Variants in LARGE1 observed in about 807,000 individuals in gnomAD.
LARGE1 encodes LARGE xylosyl- and glucuronyltransferase 1.
In LARGE1, 43 loss-of-function variants were observed where a neutral mutation model predicts 87.6. The ratio of observed to expected loss-of-function variants is 0.49; its 90% CI spans 0.38 to 0.63. The LOEUF is 0.63. Ranked by LOEUF, LARGE1 falls within the 30% of genes least tolerant of loss-of-function variation. The pLI is 0.00. For missense variants in LARGE1, 802 were observed against 1,000.2 expected (o/e 0.80, Z 2.67); for synonymous variants, 434 against 394.6 (o/e 1.10, Z -1.18).
the LARGE1 span, among the ~76,000 whole-genome samples, chr22:33,121,947 A>C: frequency 6.6e-6 from 1 of 152,152 alleles, no homozygotes; most frequent in East Asian, 1.9e-4. Flanking sequence ...CAGCATGGGA[A>C]AGACCCACCC....
rs541789029 is a variant in LARGE1 at position 33,742,423 on chromosome 22, T to TGCACCGAGCACC, written c.106+18947_106+18948insGGTGCTCGGTGC. 2.3e-3 allele frequency among the ~76,000 whole-genome samples: 346 copies of TGCACCGAGCACC among 152,348 alleles called. 1 individual carries two copies. The highest frequency in any genetic ancestry group is 4.0e-3 in the Non-Finnish European group (274 of 68,038). ...GCGATCACTCACTCATCAACCTTCG[T>TGCACCGAGCACC]GCACCGAGCACAATGTGTGCAAGGA... On this transcript the variant is annotated intron_variant, in intron 2 of 14. Coordinates refer to ENST00000397394, the MANE Select transcript of LARGE1 (RefSeq NM_133642.5).
At chr22:33,099,989 C>A in the LARGE1 span, among the ~76,000 whole-genome samples, 1 of 152,154 alleles carries the variant, frequency 6.6e-6, no homozygotes, top group African/African-American at 2.4e-5. Context: ...AACAATAAAT[C>A]TAGACTCTGT....
the LARGE1 span, among the ~76,000 whole-genome samples, chr22:33,103,698 G>C: frequency 1.3e-5 from 2 of 152,136 alleles, no homozygotes; most frequent in East Asian, 3.8e-4. Flanking sequence ...ACCTCAAGGA[G>C]CTGACTTTGG....
chr22:33,898,300 G>A (rs950537540), intron 1 of LARGE1, among the ~76,000 whole-genome samples: 3 of 152,118 alleles, frequency 2.0e-5, no homozygotes, highest in East Asian at 1.9e-4. Flanking sequence ...CAAGTGCCCC[G>A]CCCCCCATCC....
At chr22:33,567,938 A>G (rs1386150088) in intron 5 of LARGE1, among the ~76,000 whole-genome samples, 1 of 152,206 alleles carries the variant, frequency 6.6e-6, no homozygotes, top group African/African-American at 2.4e-5. Flanking sequence ...CACTTACTTC[A>G]TCCTATCAGG....
At chr22:33,922,118 G>T (rs1411453487), upstream of LARGE1, among the ~76,000 whole-genome samples, 1 of 152,070 alleles carries the variant, frequency 6.6e-6, no homozygotes, top group Admixed American at 6.5e-5. Context: ...TTCCCTCTGC[G>T]CGCCTCTCCG....
intron 6 of LARGE1, among the ~76,000 whole-genome samples, chr22:33,469,795 T>C (rs992288355): frequency 1.4e-5 from 2 of 145,676 alleles, no homozygotes; most frequent in African/African-American, 5.1e-5. Flanking sequence ...ACCACTGCAC[T>C]CCAGCCTGGG....
intron 3 of LARGE1, among the ~76,000 whole-genome samples, chr22:33,631,981 T>C (rs559900997): frequency 6.6e-6 from 1 of 152,186 alleles, no homozygotes; most frequent in Non-Finnish European, 1.5e-5. Context: ...GATATGTCAT[T>C]ATGTAACACA....
chr22:33,155,183 C>T, the LARGE1 span, among the ~76,000 whole-genome samples: 1 of 152,056 alleles, frequency 6.6e-6, no homozygotes, highest in Non-Finnish European at 1.5e-5. Context: ...TGGGGTGCTG[C>T]TGAAAAGATA....
chr22:33,441,265 G>C (rs960393885), intron 6 of LARGE1, among the ~76,000 whole-genome samples: 47 of 151,830 alleles, frequency 3.1e-4, no homozygotes, highest in Admixed American at 6.6e-5. Flanking sequence ...GTAGAGACGA[G>C]ATTTCATCAT....
At chr22:33,596,779 G>C (rs1458224605) in intron 5 of LARGE1, among the ~76,000 whole-genome samples, 1 of 152,192 alleles carries the variant, frequency 6.6e-6, no homozygotes, top group East Asian at 1.9e-4. Flanking sequence ...AAAGAAGAAA[G>C]CAAGATTTGT....
chr22:33,728,910 A>G (rs2083366203), intron 2 of LARGE1, among the ~76,000 whole-genome samples: 1 of 152,202 alleles, frequency 6.6e-6, no homozygotes. Flanking sequence ...AAGAAATAAT[A>G]TCCAGCTTTC....
intron 2 of LARGE1, among the ~76,000 whole-genome samples, chr22:33,704,075 A>C (rs927565331): frequency 2.0e-5 from 3 of 152,228 alleles, no homozygotes; most frequent in Non-Finnish European, 4.4e-5. Flanking sequence ...CTGAATTGTC[A>C]TATTTCTAGA....
the LARGE1 span, among the ~76,000 whole-genome samples, chr22:33,108,883 G>A: frequency 6.6e-6 from 1 of 152,070 alleles, no homozygotes; most frequent in East Asian, 1.9e-4. Context: ...ATGCTCTGAA[G>A]CTAGATTATT....
chr22:33,857,237 A>T (rs80004251), intron 1 of LARGE1, among the ~76,000 whole-genome samples: 1,791 of 152,310 alleles, frequency 0.012, 33 homozygotes, highest in African/African-American at 0.041. Flanking sequence ...ATCTTTAAGT[A>T]AAGGTTCATG....
At chr22:33,644,104 A>G (rs1363946346) in intron 3 of LARGE1, among the ~76,000 whole-genome samples, 2 of 152,184 alleles carry the variant, frequency 1.3e-5, no homozygotes, top group Admixed American at 6.5e-5. Flanking sequence ...CAGAGACACA[A>G]CAAAAAAAGA....
chr22:33,354,734 T>C (rs771045241), intron 9 of LARGE1, among the ~76,000 whole-genome samples: 4 of 152,228 alleles, frequency 2.6e-5, no homozygotes, highest in Non-Finnish European at 5.9e-5. Context: ...AGCCAGCCAA[T>C]GATGTACTTT....
chr22:33,187,303 C>T (rs1923526379), intron 11 of LARGE1, among the ~76,000 whole-genome samples: 1 of 152,082 alleles, frequency 6.6e-6, no homozygotes, highest in Non-Finnish European at 1.5e-5. Flanking sequence ...TGAATACTAT[C>T]CAGCTTTTAA....
At chr22:33,917,876 C>A (rs897134808) in intron 1 of LARGE1, among the ~76,000 whole-genome samples, 7 of 152,026 alleles carry the variant, frequency 4.6e-5, no homozygotes, top group African/African-American at 1.5e-4. Flanking sequence ...CACAGTCTCA[C>A]GAACCCTCAA....
Sources: gnomAD v4.1 joint callset for allele counts (sites outside exome capture counted in the v4.1 genomes callset) on GRCh38, gnomAD v4.1.1 for gene constraint, MANE v1.5 for transcripts, NCBI Gene and HGNC (gene_info 2026-07-23, HGNC 2026-07-21) for gene names.